ZFYVE28: variants seen among roughly 807,000 people sequenced by gnomAD.
The protein encoded by ZFYVE28 is lateral signaling target protein 2 homolog.
In ZFYVE28, 40 loss-of-function variants were observed where a neutral mutation model predicts 82.1. The observed-to-expected ratio is 0.49, with a 90% confidence interval of 0.38 to 0.63. The LOEUF (loss-of-function observed/expected upper bound fraction) is 0.63, where lower values mean the gene tolerates loss of function less well. Ranked by LOEUF, ZFYVE28 falls within the 30% of genes least tolerant of loss-of-function variation. The probability of loss-of-function intolerance (pLI) is 0.00; values close to 1 mark genes in which losing one functional copy is unlikely to be tolerated. For missense variants in ZFYVE28, 1,321 were observed against 1,242.1 expected (o/e 1.06, Z -0.96); for synonymous variants, 612 against 546.1 (o/e 1.12, Z -1.68).
chr4:2,297,571 T>C (rs1227815477), intron 8 of ZFYVE28, among the ~76,000 whole-genome samples: 5 of 152,218 alleles, frequency 3.3e-5, no homozygotes, highest in African/African-American at 1.2e-4. Flanking sequence ...GGGACAGAGA[T>C]GTGAATCCAG....
rs1733153863 is a variant in ZFYVE28 at position 2,417,180 on chromosome 4, G to A, written c.39+1105C>T. On this transcript the variant is annotated intron_variant, in intron 1 of 12. Coordinates refer to ENST00000290974, the MANE Select transcript of ZFYVE28 (RefSeq NM_020972.3). This position sits in a 1 kb window ranked among gnomAD's most constrained non-coding sequence, Gnocchi z 4.8. ...CGGACGAAGCGCTGGCCCCACTCCCGCCCTTGGTCGCCGCGGTGACCCCAC... is the reference window on the plus strand; with the variant it reads ...CGGACGAAGCGCTGGCCCCACTCCCACCCTTGGTCGCCGCGGTGACCCCAC... Among the ~76,000 whole-genome samples, 2 of 152,082 alleles carry A rather than the reference G, an allele frequency of 1.3e-5. No homozygotes were observed. The highest frequency in any genetic ancestry group is 4.1e-4 in the South Asian group (2 of 4,830).
At chr4:2,351,603 A>C (rs1409068667) in intron 2 of ZFYVE28, among the ~76,000 whole-genome samples, 2 of 152,168 alleles carry the variant, frequency 1.3e-5, no homozygotes, top group Non-Finnish European at 2.9e-5. Context: ...AATCCCAGCT[A>C]CTCAGGAGGC....
At chr4:2,363,450 G>A (rs1252927871) in intron 1 of ZFYVE28, among the ~76,000 whole-genome samples, 2 of 152,092 alleles carry the variant, frequency 1.3e-5, no homozygotes, top group East Asian at 3.9e-4. Flanking sequence ...GAAGCAGGGT[G>A]TCCTTCAAAG....
At chr4:2,404,328 A>AAAAAAG (rs1731568852) in intron 1 of ZFYVE28, among the ~76,000 whole-genome samples, 2 of 38,186 alleles carry the variant, frequency 5.2e-5, no homozygotes, top group Admixed American at 3.5e-4. Context: ...AAAAAAAAAA[A>AAAAAAG]CGCTGAAGAT....
At position 2,335,894 on chromosome 4, in the gene ZFYVE28, C is replaced by G. The variant is rs1721611153; in HGVS notation, c.612-100G>C. On this transcript the variant is annotated intron_variant, in intron 5 of 12. Transcript: ENST00000290974. The surrounding 1 kb of genome is among the most constrained non-coding windows in gnomAD (Gnocchi z 5.8). ...AGGCAGTGCGCTCAATCTGTACCTG[C>G]AGCCACGCGTGGTGGCCACGTCAAG... The G allele has an allele frequency of 7.2e-6, 7 of 975,438 alleles. No homozygotes were observed. The South Asian group carries it at 9.8e-5, about 14-fold the overall frequency. 60.4% of individuals were successfully genotyped at this position (975,438 alleles called of 1,614,324 possible). A position where few individuals can be genotyped will look rare whatever the true frequency, so the allele number is the denominator to read the frequency against.
intron 8 of ZFYVE28, among the ~76,000 whole-genome samples, chr4:2,289,745 G>C (rs573359797): frequency 3.3e-5 from 5 of 152,202 alleles, no homozygotes; most frequent in Non-Finnish European, 7.3e-5. Context: ...AGACGGCAGA[G>C]GTGACACAGC....
chr4:2,289,608 C>T (rs1457689091), intron 8 of ZFYVE28, among the ~76,000 whole-genome samples: 5 of 152,266 alleles, frequency 3.3e-5, no homozygotes, highest in African/African-American at 1.2e-4. Flanking sequence ...CCATCGCCCC[C>T]TGGGGTGATC....
At chr4:2,283,393 A>T (rs1471688219) in intron 8 of ZFYVE28, among the ~76,000 whole-genome samples, 1 of 133,646 alleles carries the variant, frequency 7.5e-6, no homozygotes, top group Admixed American at 7.7e-5. Flanking sequence ...CCACCCATCC[A>T]CTCATGCACC....
chr4:2,388,723 G>A lies in ZFYVE28; in HGVS notation c.39+29562C>T, dbSNP rs1027302976. Among the ~76,000 whole-genome samples the A allele has an allele frequency of 3.9e-5, 6 of 152,110 alleles. No homozygotes were observed. In the South Asian group the frequency reaches 6.2e-4, roughly 16 times the overall value. On this transcript the variant is annotated intron_variant, in intron 1 of 12. Transcript: ENST00000290974. The stretch of plus-strand genomic sequence containing the variant: ...ACGTGAAGGGCTCAGCTCCACTTCC[G>A]AGGGCTGGGTCTAACAGGATCCCTC...
intron 8 of ZFYVE28, among the ~76,000 whole-genome samples, chr4:2,295,361 G>A (rs997341741): frequency 6.6e-6 from 1 of 151,732 alleles, no homozygotes; most frequent in Non-Finnish European, 1.5e-5. Flanking sequence ...AGTAAAGACG[G>A]GGTTTTACCA....
At position 2,377,182 on chromosome 4, in the gene ZFYVE28, C is replaced by T. The variant is rs540275967; in HGVS notation, c.40-23109G>A. ...GATTACAGGCGCCCGCTACCACGCC[C>T]AGCTAATTTTTTGTATTTTTAGTAC... On this transcript the variant is annotated intron_variant, in intron 1 of 12. Coordinates refer to ENST00000290974, the MANE Select transcript of ZFYVE28 (RefSeq NM_020972.3). 5.3e-5 allele frequency among the ~76,000 whole-genome samples: 8 copies of T among 151,138 alleles called. No homozygotes were observed. The East Asian group carries it at 9.8e-4, about 18-fold the overall frequency.
chr4:2,284,137 C>T (rs536472462), intron 8 of ZFYVE28, among the ~76,000 whole-genome samples: 11 of 152,352 alleles, frequency 7.2e-5, no homozygotes, highest in African/African-American at 2.4e-4. Flanking sequence ...ACAGCTCAGG[C>T]TCGCTGTGGA....
At chr4:2,325,994 T>C (rs1184767065) in intron 6 of ZFYVE28, among the ~76,000 whole-genome samples, 1 of 152,182 alleles carries the variant, frequency 6.6e-6, no homozygotes, top group Non-Finnish European at 1.5e-5. Context: ...GTAAATATTT[T>C]CTCCCAATCC....
chr4:2,326,803 T>C (rs559785233), intron 6 of ZFYVE28, among the ~76,000 whole-genome samples: 7 of 152,336 alleles, frequency 4.6e-5, no homozygotes, highest in African/African-American at 1.2e-4. Flanking sequence ...GTAAATGAGA[T>C]TATTCTCTTG....
intron 1 of ZFYVE28, among the ~76,000 whole-genome samples, chr4:2,354,410 T>A (rs1215390065): frequency 1.3e-5 from 2 of 149,412 alleles, no homozygotes; most frequent in African/African-American, 5.0e-5. Context: ...CTGGGAAGAG[T>A]GGGGTCCCCG....
intron 1 of ZFYVE28, among the ~76,000 whole-genome samples, chr4:2,363,583 C>G (rs1247729472): frequency 2.0e-5 from 3 of 152,168 alleles, no homozygotes; most frequent in Non-Finnish European, 4.4e-5. Context: ...GGCAGCCTTC[C>G]CGACACTGGG....
rs146441661 is a variant in ZFYVE28, at chr4:2,414,385, G to A, written c.39+3900C>T. On this transcript the variant is annotated intron_variant, in intron 1 of 12. Coordinates refer to ENST00000290974, the MANE Select transcript of ZFYVE28 (RefSeq NM_020972.3). ...GTCACTCAGGCTTCTCTTGGCAAAG[G>A]CCATGTCATCGCTAATCTGGGCCTG... Among the ~76,000 whole-genome samples, 686 of 152,374 alleles carry A rather than the reference G, an allele frequency of 4.5e-3. 4 individuals are homozygous for A. Among genetic ancestry groups the A allele is most frequent in the Middle Eastern group, 0.01 (3 of 294 alleles).
chr4:2,277,075 G>C (rs992794013), intron 8 of ZFYVE28, among the ~76,000 whole-genome samples: 1 of 152,232 alleles, frequency 6.6e-6, no homozygotes, highest in African/African-American at 2.4e-5. Context: ...CCGGATTGGC[G>C]TGGCGCCCGA....
At chr4:2,297,940 G>C (rs1714879010) in intron 8 of ZFYVE28, among the ~76,000 whole-genome samples, 1 of 128,962 alleles carries the variant, frequency 7.8e-6, no homozygotes, top group Admixed American at 8.2e-5. Flanking sequence ...GAACAGCAGA[G>C]GACGAGCAGT....
Sources: allele counts gnomAD v4.1 joint callset (sites outside exome capture counted in the v4.1 genomes callset), GRCh38; gene constraint gnomAD v4.1.1; non-coding constraint Gnocchi (gnomAD v3.1); transcripts MANE v1.5; gene names NCBI Gene and HGNC (gene_info 2026-07-23, HGNC 2026-07-21).